Variants in DAB2IP observed in about 807,000 individuals in gnomAD.
DAB2IP encodes the protein disabled homolog 2-interacting protein.
In DAB2IP, 28 loss-of-function variants were observed where a neutral mutation model predicts 107.2. The observed-to-expected ratio is 0.26, with a 90% CI of 0.19 to 0.36. The LOEUF (loss-of-function observed/expected upper bound fraction) is 0.36, where lower values mean the gene tolerates loss of function less well. Ranked by LOEUF, DAB2IP falls within the 10% of genes least tolerant of loss-of-function variation. DAB2IP has a pLI of 1.00. For synonymous variants in DAB2IP, 755 were observed against 706.4 expected, an observed-to-expected ratio of 1.07 and a Z score of -1.09; for missense variants, 1,400 against 1,644.7, an observed-to-expected ratio of 0.85 and a Z score of 2.57.
intron 1 of DAB2IP, among the ~76,000 whole-genome samples, chr9:121,628,800 A>G (rs954751247): frequency 6.6e-6 from 1 of 152,094 alleles, no homozygotes; most frequent in Non-Finnish European, 1.5e-5. Context: ...TAAAGGGGAG[A>G]TTTGGAACTG....
At chr9:121,740,698 A>G (rs1190349008) in intron 3 of DAB2IP, among the ~76,000 whole-genome samples, 4 of 152,200 alleles carry the variant, frequency 2.6e-5, no homozygotes, top group Admixed American at 2.0e-4. Flanking sequence ...TGGAGATAAC[A>G]TAATGTCTGC....
At chr9:121,783,414 G>A in exon 16 of DAB2IP, 1 of 1,597,396 alleles carries the variant, frequency 6.3e-7, no homozygotes, top group South Asian at 1.1e-5. Flanking sequence ...TGTAGGGAGT[G>A]CCACCTGGTG....
chr9:121,663,212 C>T (rs1043255283), intron 1 of DAB2IP, among the ~76,000 whole-genome samples: 3 of 152,064 alleles, frequency 2.0e-5, no homozygotes. Context: ...GGGACAAGGT[C>T]GACAGATGCT....
chr9:121,741,424 C>A (rs1474396486), intron 3 of DAB2IP, among the ~76,000 whole-genome samples: 2 of 152,220 alleles, frequency 1.3e-5, no homozygotes, highest in Non-Finnish European at 2.9e-5. Flanking sequence ...ATGCTGCCTC[C>A]TGACAGCCTG....
intron 2 of DAB2IP, among the ~76,000 whole-genome samples, chr9:121,683,508 G>C (rs1479701887): frequency 1.3e-5 from 2 of 152,224 alleles, no homozygotes; most frequent in Non-Finnish European, 2.9e-5. Flanking sequence ...TGAAAGTGGA[G>C]AGTCGTGTTT....
At chr9:121,677,602 A>T (rs2119133221) in intron 1 of DAB2IP, among the ~76,000 whole-genome samples, 1 of 152,288 alleles carries the variant, frequency 6.6e-6, no homozygotes, top group East Asian at 1.9e-4. Context: ...CTGTCTGCTT[A>T]TATGCCTCCA....
Position 121,740,265 on chromosome 9 carries a change from C to G in DAB2IP, c.363-16748C>G, listed in dbSNP as rs893655130. 3.3e-5 allele frequency among the ~76,000 whole-genome samples: 5 copies of G among 152,166 alleles called. No individual in the cohort carries two copies. The South Asian group carries it at 6.2e-4, about 19-fold the overall frequency. ...GATTCAGGAGCGCCGATAGGCCCCC[C>G]ACAGTGATCTTTCCCAGCTCTCTGA... On this transcript the variant is annotated intron_variant, in intron 3 of 15. Transcript: ENST00000408936.
intron 4 of DAB2IP, 81 bp from the exon 5 acceptor site, chr9:121,758,817 G>T: frequency 7.8e-7 from 1 of 1,285,894 alleles, no homozygotes; most frequent in Non-Finnish European, 1.1e-6. Flanking sequence ...AGTCCCCTGA[G>T]CCTCCAAGGT....
rs568433110 is a variant in DAB2IP at position 121,638,161 on chromosome 9, TCAAC to T, written c.41-40509_41-40506del. Among the ~76,000 whole-genome samples, 43 of 152,294 alleles carry T rather than the reference TCAAC, an allele frequency of 2.8e-4. 1 individual carries two copies. In the South Asian group the frequency reaches 8.7e-3, roughly 31 times the overall value. On this transcript the variant is annotated intron_variant, in intron 1 of 16. Coordinates refer to the DAB2IP transcript ENST00000259371. ...ATCTATGGGTTCTGCATCTGTGGATTCAACCAACCAAGGATTGAAGATAGAAAAA... is the reference window on the plus strand; with the variant it reads ...ATCTATGGGTTCTGCATCTGTGGATTCAACCAAGGATTGAAGATAGAAAAA...
chr9:121,602,051 C>A (rs939368870), intron 1 of DAB2IP, among the ~76,000 whole-genome samples: 1 of 152,172 alleles, frequency 6.6e-6, no homozygotes, highest in Non-Finnish European at 1.5e-5. Context: ...CCCACTCCCC[C>A]CCAACCCAGG....
chr9:121,715,409 G>A (rs1174303079), intron 3 of DAB2IP, among the ~76,000 whole-genome samples: 2 of 150,404 alleles, frequency 1.3e-5, no homozygotes, highest in Non-Finnish European at 3.0e-5. Context: ...GTGGAGTGCA[G>A]TGGCAGGATC....
intron 1 of DAB2IP, among the ~76,000 whole-genome samples, chr9:121,608,395 G>A (rs549534597): frequency 3.3e-5 from 5 of 152,148 alleles, no homozygotes; most frequent in African/African-American, 7.2e-5. Flanking sequence ...GGAGGGAAGC[G>A]GGTTGGTGGA....
intron 1 of DAB2IP, among the ~76,000 whole-genome samples, chr9:121,665,097 A>G (rs945890925): frequency 6.6e-6 from 1 of 152,266 alleles, no homozygotes; most frequent in African/African-American, 2.4e-5. Flanking sequence ...TCAAAATGAT[A>G]TGGAAAAGCC....
chr9:121,645,927 A>C (rs896971361), intron 1 of DAB2IP, among the ~76,000 whole-genome samples: 1 of 152,180 alleles, frequency 6.6e-6, no homozygotes, highest in African/African-American at 2.4e-5. Context: ...TGAGCTGAAC[A>C]GAGCTGTCTC....
At chr9:121,567,197 C>T (rs779359789) in exon 1 of DAB2IP, 16 of 1,613,858 alleles carry the variant, frequency 9.9e-6, no homozygotes, top group African/African-American at 5.3e-5. Flanking sequence ...CCATGGAGCC[C>T]GACTCCCTTC....
chr9:121,593,787 C>T (rs1246595365), intron 1 of DAB2IP, among the ~76,000 whole-genome samples: 1 of 151,604 alleles, frequency 6.6e-6, no homozygotes, highest in Non-Finnish European at 1.5e-5. Context: ...CCTGCCTCAG[C>T]CTCCCGAGTA....
At chr9:121,722,233 C>T (rs991485007) in intron 3 of DAB2IP, among the ~76,000 whole-genome samples, 2 of 152,200 alleles carry the variant, frequency 1.3e-5, no homozygotes, top group Non-Finnish European at 2.9e-5. Context: ...GCAGCTCCTT[C>T]AGGTTCTGGG....
chr9:121,617,057 G>A (rs1831303986), intron 1 of DAB2IP, among the ~76,000 whole-genome samples: 1 of 152,222 alleles, frequency 6.6e-6, no homozygotes, highest in Admixed American at 6.5e-5. Flanking sequence ...AGGGTGGCCA[G>A]GCACGCTGGC....
chr9:121,689,035 G>A (rs1178631993), intron 2 of DAB2IP, among the ~76,000 whole-genome samples: 7 of 152,218 alleles, frequency 4.6e-5, no homozygotes, highest in Admixed American at 6.5e-5. Flanking sequence ...GCTCATGCCT[G>A]TAATCCCAGC....
Sources: gnomAD v4.1 joint callset for allele counts (sites outside exome capture counted in the v4.1 genomes callset) on GRCh38, gnomAD v4.1.1 for gene constraint, MANE v1.5 for transcripts, NCBI Gene and HGNC (gene_info 2026-07-23, HGNC 2026-07-21) for gene names.